The following FGF1 variants were observed in gnomAD, a reference collection of about 807,000 sequenced individuals.
FGF1 encodes beta-endothelial cell growth factor.
In FGF1, 9 loss-of-function variants were observed where a neutral mutation model predicts 13.4. The observed-to-expected ratio is 0.67, with a 90% CI of 0.40 to 1.17. The LOEUF (loss-of-function observed/expected upper bound fraction) is 1.17, where lower values mean the gene tolerates loss of function less well. Among genes scored for constraint, FGF1 ranks in the 50% most tolerant of loss-of-function variants. FGF1 has a pLI of 0.01. For missense variants in FGF1, 156 were observed against 192.7 expected, an observed-to-expected ratio of 0.81 and a Z score of 1.13; for synonymous variants, 93 against 79.0, an observed-to-expected ratio of 1.18 and a Z score of -0.94.
chr5:142,672,839 G>A (rs1771765781), intron 1 of FGF1, among the ~76,000 whole-genome samples: 2 of 152,064 alleles, frequency 1.3e-5, no homozygotes, highest in Admixed American at 6.5e-5. Flanking sequence ...AGCAACCAAG[G>A]CAGATAGTCA....
At chr5:142,696,571 AGC>A (rs1474464209) in intron 2 of FGF1, among the ~76,000 whole-genome samples, 4 of 152,198 alleles carry the variant, frequency 2.6e-5, no homozygotes, top group Non-Finnish European at 4.4e-5. Flanking sequence ...GAGGTGCTGC[AGC>A]CATGTGGCCT....
intron 1 of FGF1, among the ~76,000 whole-genome samples, chr5:142,653,086 T>C (rs891063633): frequency 6.6e-5 from 10 of 152,196 alleles, no homozygotes; most frequent in Admixed American, 5.9e-4. Flanking sequence ...CAGTCATTCA[T>C]GCAGAGCGTC....
At chr5:142,693,233 C>T (rs1012001463) in intron 2 of FGF1, among the ~76,000 whole-genome samples, 1 of 151,972 alleles carries the variant, frequency 6.6e-6, no homozygotes, top group Admixed American at 6.6e-5. Context: ...TTGGCAAAGC[C>T]CTGTCGCGGG....
At chr5:142,674,281 C>T (rs181164979) in intron 1 of FGF1, among the ~76,000 whole-genome samples, 1 of 152,352 alleles carries the variant, frequency 6.6e-6, no homozygotes, top group Admixed American at 6.5e-5. Context: ...TCACCCACTC[C>T]TCTGCCCCAT....
intron 1 of FGF1, chr5:142,685,698 A>G (rs1751007343): frequency 6.6e-6 from 1 of 152,198 alleles, no homozygotes; most frequent in African/African-American, 2.4e-5. Context: ...CTATTTTTAC[A>G]TGTCTGTGAC....
chr5:142,657,691 G>A (rs1768425768), intron 1 of FGF1, among the ~76,000 whole-genome samples: 1 of 152,246 alleles, frequency 6.6e-6, no homozygotes, highest in Non-Finnish European at 1.5e-5. Flanking sequence ...CCGAGTGTCT[G>A]CCCAAGACTG....
At chr5:142,636,913 G>C (rs1191737720) in intron 1 of FGF1, among the ~76,000 whole-genome samples, 3 of 151,978 alleles carry the variant, frequency 2.0e-5, no homozygotes, top group Non-Finnish European at 4.4e-5. Flanking sequence ...GGAAACTATG[G>C]AATACTCAGG....
chr5:142,648,843 G>C (rs562157006), intron 1 of FGF1, among the ~76,000 whole-genome samples: 1 of 152,008 alleles, frequency 6.6e-6, no homozygotes, highest in African/African-American at 2.4e-5. Context: ...GAATTTAATC[G>C]ATAGGACCAG....
intron 1 of FGF1, among the ~76,000 whole-genome samples, chr5:142,674,679 GCACGACTCCCGATTAGT>G (rs1236883862): frequency 6.6e-6 from 1 of 152,154 alleles, no homozygotes; most frequent in Admixed American, 6.5e-5. Flanking sequence ...TCTGACCAAT[GCACGACTCCCGATTAGT>G]CACCAGAAGC....
chr5:142,653,775 C>G (rs1200489901), intron 1 of FGF1, among the ~76,000 whole-genome samples: 4 of 152,180 alleles, frequency 2.6e-5, no homozygotes, highest in African/African-American at 9.6e-5. Flanking sequence ...GCTCTCCCTC[C>G]AGACCATGAG....
chr5:142,680,228 C>A (rs1401542326), intron 1 of FGF1, among the ~76,000 whole-genome samples: 1 of 152,192 alleles, frequency 6.6e-6, no homozygotes, highest in Non-Finnish European at 1.5e-5. Flanking sequence ...GTGGACACAA[C>A]TCAACCCTAA....
rs12055012 is a variant in FGF1, at chr5:142,691,371, G to A, written c.-35+6251C>T. Among the ~76,000 whole-genome samples the A allele has an allele frequency of 3.8e-4, 57 of 151,734 alleles. 1 individual carries two copies. In the East Asian group the frequency reaches 0.01, roughly 28 times the overall value. ...CGGGAGGTGGAGGTTGCAGTGAGCC[G>A]AGATAGTGTCACTGCACTCCAGCCT... On this transcript the variant is annotated intron_variant, in intron 2 of 4. Coordinates refer to the FGF1 transcript ENST00000407758.
intron 1 of FGF1, among the ~76,000 whole-genome samples, chr5:142,670,942 C>T (rs1216643112): frequency 2.6e-5 from 4 of 152,204 alleles, no homozygotes; most frequent in Middle Eastern, 3.2e-3. Context: ...CCTTCAGAAG[C>T]GCTTTATCAC....
intron 1 of FGF1, among the ~76,000 whole-genome samples, chr5:142,645,666 G>T (rs1424106998): frequency 6.6e-6 from 1 of 152,124 alleles, no homozygotes; most frequent in African/African-American, 2.4e-5. Flanking sequence ...ATTCAGTAGG[G>T]TGACAGCTGC....
At chr5:142,688,823 G>A (rs1040422013), upstream of FGF1, among the ~76,000 whole-genome samples, 11 of 152,208 alleles carry the variant, frequency 7.2e-5, no homozygotes, top group Non-Finnish European at 1.6e-4. Context: ...CTAACAGATG[G>A]ACTCAATGCA....
intron 2 of FGF1, 152 bp from the exon 3 acceptor site, chr5:142,600,957 AC>A (rs1447261920): frequency 1.6e-6 from 1 of 645,104 alleles, no homozygotes; most frequent in Admixed American, 2.4e-5. Flanking sequence ...ACATAGAAAT[AC>A]AGTCCCTTTT....
At chr5:142,606,078 C>G (rs1179442069) in intron 2 of FGF1, among the ~76,000 whole-genome samples, 1 of 150,994 alleles carries the variant, frequency 6.6e-6, no homozygotes, top group East Asian at 1.9e-4. Flanking sequence ...AGCCATGGTC[C>G]CTGCACTTGG....
At chr5:142,676,600 A>G (rs547652058) in intron 1 of FGF1, among the ~76,000 whole-genome samples, 5 of 152,262 alleles carry the variant, frequency 3.3e-5, no homozygotes, top group African/African-American at 1.2e-4. Context: ...CCAACATGCT[A>G]CCCTACCAGA....
rs375596303 is a variant in FGF1, at chr5:142,661,854, T to A, written c.-35+24103A>T. Among the ~76,000 whole-genome samples, 459 of 152,020 alleles carry A rather than the reference T, an allele frequency of 3.0e-3. 3 individuals are homozygous for A. The highest frequency in any genetic ancestry group is 0.01 in the African/African-American group (433 of 41,454). Reference sequence around the variant, plus strand: ...CCGTCTCTACTAAAAATACAAAAAATTAGCAGGGCATGGTGGCGGTTGCCT... The same window carrying A: ...CCGTCTCTACTAAAAATACAAAAAAATAGCAGGGCATGGTGGCGGTTGCCT... On this transcript the variant is annotated intron_variant, in intron 1 of 3. Transcript: ENST00000337706.
Sources: allele counts gnomAD v4.1 joint callset (sites outside exome capture counted in the v4.1 genomes callset), GRCh38; gene constraint gnomAD v4.1.1; transcripts MANE v1.5; gene names NCBI Gene and HGNC (gene_info 2026-07-23, HGNC 2026-07-21).